Variants in PGM1 observed in about 807,000 individuals in gnomAD.
The protein encoded by PGM1 is phosphoglucomutase-1.
A neutral mutation model predicts 55.6 loss-of-function variants in PGM1; 52 were observed. That is an observed-to-expected ratio of 0.94 (90% CI 0.75 to 1.18). The LOEUF is 1.18. Among genes scored for constraint, PGM1 ranks in the 50% most tolerant of loss-of-function variants. The probability of loss-of-function intolerance (pLI) is 0.00; values close to 1 mark genes in which losing one functional copy is unlikely to be tolerated. For missense variants in PGM1, 724 were observed against 729.3 expected (o/e 0.99, Z 0.08); for synonymous variants, 287 against 271.7 (o/e 1.06, Z -0.55).
At chr1:63,612,923 C>G (rs1570479132) in intron 1 of PGM1, among the ~76,000 whole-genome samples, 1 of 152,168 alleles carries the variant, frequency 6.6e-6, no homozygotes, top group African/African-American at 2.4e-5. Flanking sequence ...AAACTCGCCT[C>G]CTTGCTCAGA....
chr1:63,599,945 G>C (rs983270381), intron 1 of PGM1: 2 of 152,214 alleles, frequency 1.3e-5, no homozygotes, highest in African/African-American at 4.8e-5. Flanking sequence ...TTTTGGGGGA[G>C]ATAAGACAGA....
chr1:63,600,529 G>A (rs958518224), intron 1 of PGM1, among the ~76,000 whole-genome samples: 3 of 152,110 alleles, frequency 2.0e-5, no homozygotes, highest in South Asian at 2.1e-4. Context: ...TGGGGTTCTC[G>A]TTGAGCCTGA....
chr1:63,612,245 G>A (rs1448709621), intron 1 of PGM1, among the ~76,000 whole-genome samples: 2 of 143,404 alleles, frequency 1.4e-5, no homozygotes, highest in South Asian at 2.2e-4. Context: ...GAACAAGAGC[G>A]AAACTCTGTC....
chr1:63,614,584 G>C (rs1046097942), intron 1 of PGM1, among the ~76,000 whole-genome samples: 1 of 152,204 alleles, frequency 6.6e-6, no homozygotes, highest in African/African-American at 2.4e-5. Context: ...ATAGTTACAT[G>C]TCTGGGCTCT....
intron 1 of PGM1, among the ~76,000 whole-genome samples, chr1:63,601,106 C>T (rs1648231618): frequency 6.6e-6 from 1 of 151,988 alleles, no homozygotes; most frequent in Non-Finnish European, 1.5e-5. Context: ...GACTTGGGGG[C>T]CTATACATCA....
chr1:63,602,843 G>A (rs1371169630), intron 1 of PGM1, among the ~76,000 whole-genome samples: 1 of 152,130 alleles, frequency 6.6e-6, no homozygotes. Flanking sequence ...TAAGGTGAAG[G>A]TTTGTGTTGG....
At chr1:63,629,075 T>G (rs1001376785) in intron 1 of PGM1, among the ~76,000 whole-genome samples, 2 of 152,132 alleles carry the variant, frequency 1.3e-5, no homozygotes, top group African/African-American at 2.4e-5. Context: ...AAAATGTGGG[T>G]TTTCTCATAT....
intron 1 of PGM1, among the ~76,000 whole-genome samples, chr1:63,595,952 C>T (rs985170484): frequency 6.6e-6 from 1 of 152,214 alleles, no homozygotes; most frequent in Non-Finnish European, 1.5e-5. Flanking sequence ...TTCTCATTCT[C>T]ACCTCCGGTT....
chr1:63,640,880 A>T (rs1274095365), intron 7 of PGM1, among the ~76,000 whole-genome samples: 2 of 152,184 alleles, frequency 1.3e-5, no homozygotes, highest in Non-Finnish European at 2.9e-5. Context: ...GATGCCCAGA[A>T]CTGAGCCCAA....
intron 1 of PGM1, among the ~76,000 whole-genome samples, chr1:63,628,356 A>G (rs1043189483): frequency 1.3e-5 from 2 of 152,170 alleles, no homozygotes; most frequent in African/African-American, 4.8e-5. Flanking sequence ...AACTGAAGGG[A>G]ACCAGGTGCT....
intron 4 of PGM1, among the ~76,000 whole-genome samples, chr1:63,634,103 TTTGTCAGCTAGC>T (rs1649296479): frequency 6.6e-6 from 1 of 151,240 alleles, no homozygotes; most frequent in Non-Finnish European, 1.5e-5. Flanking sequence ...TTTTAATCAG[TTTGTCAGCTAGC>T]TTGTCATAAT....
At chr1:63,625,468 C>T (rs1002049427) in intron 1 of PGM1, among the ~76,000 whole-genome samples, 5 of 152,188 alleles carry the variant, frequency 3.3e-5, no homozygotes, top group African/African-American at 7.2e-5. Context: ...CAATCGGATG[C>T]GCTTTAAACC....
Position 63,659,790 on chromosome 1 carries a change from T to G in PGM1, c.*115T>G. On this transcript the variant is annotated 3_prime_UTR_variant, in exon 11 of 11. Transcript: ENST00000371084. ...CCAAGCATTTTAGGATTTGACTTTT[T>G]CACTAACCAGTTGACGAGCAGTGCA... 1.3e-6 allele frequency: 1 copy of G among 795,844 alleles called. No individual in the cohort carries two copies. The highest frequency in any genetic ancestry group is 2.2e-6 in the Non-Finnish European group (1 of 456,354). 49.3% of individuals were successfully genotyped at this position (795,844 alleles called of 1,614,324 possible). A position where few individuals can be genotyped will look rare whatever the true frequency, so the allele number is the denominator to read the frequency against.
intron 10 of PGM1, 68 bp from the exon 11 acceptor site, chr1:63,659,518 C>T (rs1404914026): frequency 1.5e-5 from 20 of 1,292,364 alleles, no homozygotes; most frequent in Non-Finnish European, 1.0e-5. Context: ...GTCAGACGTA[C>T]GGGTTTGGAG....
At position 63,659,882 on chromosome 1, in the gene PGM1, A is replaced by T. The variant is rs1440286052; in HGVS notation, c.*207A>T. On this transcript the variant is annotated 3_prime_UTR_variant, in exon 11 of 11. Coordinates refer to ENST00000371084, the MANE Select transcript of PGM1 (RefSeq NM_002633.3). The stretch of plus-strand genomic sequence containing the variant: ...AGGGAAAGAGGACCTGCGGGCTTAG[A>T]TCAATCTCAATTCCTTTTCATGCCC... The T allele has an allele frequency of 4.8e-6, 3 of 631,482 alleles. No homozygotes were observed. The highest frequency in any genetic ancestry group is 8.6e-6 in the Non-Finnish European group (3 of 347,918). The allele number at this position is 631,482 out of a possible 1,614,324, so 39.1% of individuals were successfully genotyped here.
chr1:63,624,868 ATAAT>A (rs1648979015), intron 1 of PGM1, among the ~76,000 whole-genome samples: 1 of 152,220 alleles, frequency 6.6e-6, no homozygotes, highest in East Asian at 1.9e-4. Context: ...CCTGTTGTTT[ATAAT>A]TAGAGTTTTC....
At chr1:63,619,196 G>C (rs1268294071) in intron 1 of PGM1, among the ~76,000 whole-genome samples, 2 of 152,218 alleles carry the variant, frequency 1.3e-5, no homozygotes, top group Middle Eastern at 3.2e-3. Flanking sequence ...TACCCCATTT[G>C]CTCATGGCCT....
At chr1:63,594,342 T>C (rs1647974000) in intron 1 of PGM1, among the ~76,000 whole-genome samples, 1 of 152,116 alleles carries the variant, frequency 6.6e-6, no homozygotes, top group Non-Finnish European at 1.5e-5. Context: ...CGCCCCCTAG[T>C]TTGCCTTGGT....
At chr1:63,599,309 G>A (rs1486970498) in intron 1 of PGM1, among the ~76,000 whole-genome samples, 1 of 152,098 alleles carries the variant, frequency 6.6e-6, no homozygotes, top group Non-Finnish European at 1.5e-5. Flanking sequence ...GGGACTACAG[G>A]CGTGCACCAC....
Sources: allele counts gnomAD v4.1 joint callset (sites outside exome capture counted in the v4.1 genomes callset), GRCh38; gene constraint gnomAD v4.1.1; transcripts MANE v1.5; gene names NCBI Gene and HGNC (gene_info 2026-07-23, HGNC 2026-07-21).